Variants in ZNF331 observed in about 807,000 individuals in gnomAD.
ZNF331 encodes the protein zinc finger protein 331.
ZNF331 carries 2 observed loss-of-function variants against 7.0 expected under a neutral mutation model. The observed-to-expected ratio is 0.29, with a 90% confidence interval of 0.12 to 0.90. The LOEUF (loss-of-function observed/expected upper bound fraction) is 0.90. ZNF331 is among the 40% of genes least tolerant of loss of function. ZNF331 has a pLI of 0.58. For missense variants in ZNF331, 432 were observed against 587.7 expected (o/e 0.74, Z 2.74); for synonymous variants, 196 against 205.4 (o/e 0.95, Z 0.39).
intron 2 of ZNF331, among the ~76,000 whole-genome samples, chr19:53,545,498 G>A (rs529130626): frequency 2.0e-5 from 3 of 152,284 alleles, no homozygotes; most frequent in Non-Finnish European, 4.4e-5. Flanking sequence ...GAACAGCCGT[G>A]GCTCGCCCGG....
At chr19:53,506,504 C>CTCTCTCTG in the ZNF331 span, among the ~76,000 whole-genome samples, 1 of 140,514 alleles carries the variant, frequency 7.1e-6, no homozygotes, top group Admixed American at 6.9e-5. Context: ...CTCTCTCTCT[C>CTCTCTCTG]TCTGTCTCTC....
At chr19:53,511,973 G>T in the ZNF331 span, 1 of 152,224 alleles carries the variant, frequency 6.6e-6, no homozygotes, top group Non-Finnish European at 1.5e-5. Context: ...GTTCTAGCAT[G>T]TATTAACACC....
chr19:53,572,817 G>A (rs2147675869), intron 5 of ZNF331, among the ~76,000 whole-genome samples: 1 of 152,112 alleles, frequency 6.6e-6, no homozygotes, highest in South Asian at 2.1e-4. Context: ...TCAGACGGAG[G>A]GAGCAGGAGC....
chr19:53,521,657 G>C (rs1349630606), exon 1 of ZNF331: 1 of 152,604 alleles, frequency 6.6e-6, no homozygotes. Flanking sequence ...GGCACGGCCA[G>C]GACGGGTCTC....
intron 2 of ZNF331, among the ~76,000 whole-genome samples, chr19:53,545,081 G>C (rs2088502948): frequency 6.6e-6 from 1 of 152,102 alleles, no homozygotes; most frequent in African/African-American, 2.4e-5. Context: ...GGGTGCACTG[G>C]ATCTCTCTGT....
At chr19:53,548,000 G>A (rs1266842112) in intron 2 of ZNF331, among the ~76,000 whole-genome samples, 2 of 152,182 alleles carry the variant, frequency 1.3e-5, no homozygotes, top group Admixed American at 6.5e-5. Flanking sequence ...TGCAATGACA[G>A]TTCACTGCAT....
chr19:53,576,185 T>C (rs2090714557), intron 5 of ZNF331, among the ~76,000 whole-genome samples: 1 of 151,852 alleles, frequency 6.6e-6, no homozygotes. Context: ...GGTTTCTCCA[T>C]GTTGGTCAAG....
At chr19:53,507,302 C>G in the ZNF331 span, among the ~76,000 whole-genome samples, 2 of 152,106 alleles carry the variant, frequency 1.3e-5, no homozygotes, top group Admixed American at 1.3e-4. Context: ...CTGCTGAGCT[C>G]TCGTCATCAC....
rs189188876 is a variant in ZNF331 at position 53,532,639 on chromosome 19, T to C, written c.-204-6577T>C. ...TTGGTAGAATACAGCAATGAAGCCA[T>C]CATCAAGTCCTGGGCTGTTCTTTGA... On this transcript the variant is annotated intron_variant, in intron 2 of 6. Transcript: ENST00000253144. 3.9e-5 allele frequency among the ~76,000 whole-genome samples: 6 copies of C among 152,336 alleles called. No individual in the cohort carries two copies. The East Asian group carries it at 1.2e-3, about 29-fold the overall frequency.
chr19:53,504,132 A>C, the ZNF331 span: 400 of 348,942 alleles, frequency 1.1e-3, no homozygotes, highest in African/African-American at 7.9e-3. Context: ...CTCTCTCTTC[A>C]CCTTTCAAGT....
intron 1 of ZNF331, 176 bp downstream of exon 1, chr19:53,538,472 C>G (rs1018153085): frequency 6.6e-6 from 1 of 152,562 alleles, no homozygotes; most frequent in African/African-American, 2.4e-5. Context: ...CGGTGCGTCC[C>G]TGGGACTCTG....
upstream of ZNF331, among the ~76,000 whole-genome samples, chr19:53,520,634 G>T (rs924102920): frequency 2.6e-5 from 4 of 152,218 alleles, no homozygotes; most frequent in Admixed American, 6.5e-5. Context: ...GCATTCTGAC[G>T]GCCGCGCTTC....
intron 5 of ZNF331, among the ~76,000 whole-genome samples, chr19:53,572,704 C>T (rs1269871194): frequency 6.6e-6 from 1 of 151,208 alleles, no homozygotes; most frequent in Admixed American, 6.6e-5. Context: ...CTGTGCTAAG[C>T]ACTGTGTGTG....
chr19:53,520,867 CTG>C (rs1275131053), upstream of ZNF331: 3 of 151,922 alleles, frequency 2.0e-5, no homozygotes, highest in East Asian at 1.9e-4. Context: ...GCTTCCAACT[CTG>C]TGGATTTCCG....
upstream of ZNF331, among the ~76,000 whole-genome samples, chr19:53,534,263 G>C (rs527366335): frequency 3.3e-5 from 5 of 152,140 alleles, no homozygotes; most frequent in South Asian, 6.2e-4. Context: ...GCTTCTAGAG[G>C]CTGCCCAGAT....
intron 2 of ZNF331, among the ~76,000 whole-genome samples, chr19:53,544,364 T>G (rs576709903): frequency 6.7e-6 from 1 of 150,360 alleles, no homozygotes; most frequent in South Asian, 2.1e-4. Flanking sequence ...GCTAACACGG[T>G]GAAACCCCAT....
At chr19:53,506,504 C>G in the ZNF331 span, among the ~76,000 whole-genome samples, 2,950 of 140,428 alleles carry the variant, frequency 0.021, 44 homozygotes, top group South Asian at 0.05. Flanking sequence ...CTCTCTCTCT[C>G]TCTGTCTCTC....
At chr19:53,514,060 C>T in the ZNF331 span, among the ~76,000 whole-genome samples, 1 of 152,180 alleles carries the variant, frequency 6.6e-6, no homozygotes, top group Admixed American at 6.5e-5. Flanking sequence ...CCCAATATCA[C>T]TAAGTTATAT....
At chr19:53,574,264 G>A (rs1438084847) in intron 5 of ZNF331, among the ~76,000 whole-genome samples, 1 of 152,066 alleles carries the variant, frequency 6.6e-6, no homozygotes, top group Non-Finnish European at 1.5e-5. Context: ...AAGGGAAAGA[G>A]CCTTGATGGT....
Sources: gnomAD v4.1 joint callset for allele counts (sites outside exome capture counted in the v4.1 genomes callset) on GRCh38, gnomAD v4.1.1 for gene constraint, MANE v1.5 for transcripts, NCBI Gene and HGNC (gene_info 2026-07-23, HGNC 2026-07-21) for gene names.